SPECC1L: variants seen among roughly 807,000 people sequenced by gnomAD.
SPECC1L encodes sperm antigen with calponin homology and coiled-coil domains 1 like.
In SPECC1L, 40 loss-of-function variants were observed where a neutral mutation model predicts 116.8. The observed-to-expected ratio is 0.34, with a 90% CI of 0.27 to 0.45. The LOEUF (loss-of-function observed/expected upper bound fraction) is 0.45, where lower values mean the gene tolerates loss of function less well. Among genes scored for constraint, SPECC1L ranks in the 20% least tolerant of loss-of-function variants. The pLI is 1.00. For missense variants in SPECC1L, 1,110 were observed against 1,373.6 expected, an observed-to-expected ratio of 0.81 and a Z score of 3.03; for synonymous variants, 504 against 500.6, an observed-to-expected ratio of 1.01 and a Z score of -0.09.
At chr22:24,309,635 G>A (rs1281013824) in intron 3 of SPECC1L, among the ~76,000 whole-genome samples, 4 of 152,038 alleles carry the variant, frequency 2.6e-5, no homozygotes, top group Non-Finnish European at 4.4e-5. Context: ...TCCTGACCTC[G>A]TGATCTACCC....
intron 6 of SPECC1L, among the ~76,000 whole-genome samples, chr22:24,328,293 G>A (rs1350896191): frequency 1.3e-5 from 2 of 151,972 alleles, no homozygotes; most frequent in African/African-American, 4.8e-5. Context: ...CACATTATCG[G>A]ATAAATAATT....
chr22:24,280,552 ATGAATGTGACTATGTTTCAATAACAT>A (rs1192339186), intron 2 of SPECC1L, among the ~76,000 whole-genome samples: 6 of 151,460 alleles, frequency 4.0e-5, no homozygotes, highest in Non-Finnish European at 7.4e-5. Context: ...ACAGATGTGA[ATGAATGTGACTATGTTTCAATAACAT>A]TTTTTTTTTT....
chr22:24,287,336 G>C (rs1031466377), intron 2 of SPECC1L, among the ~76,000 whole-genome samples: 3 of 152,152 alleles, frequency 2.0e-5, no homozygotes, highest in Non-Finnish European at 4.4e-5. Flanking sequence ...CAGGAGAGTG[G>C]CCTGGTGGGA....
intron 4 of SPECC1L, among the ~76,000 whole-genome samples, chr22:24,318,240 T>C (rs527248386): frequency 6.6e-6 from 1 of 152,102 alleles, no homozygotes; most frequent in African/African-American, 2.4e-5. Flanking sequence ...CATTGAGCAA[T>C]GAGTGAAGGA....
intron 1 of SPECC1L, among the ~76,000 whole-genome samples, chr22:24,275,028 T>A (rs1476510055): frequency 1.3e-5 from 2 of 152,246 alleles, no homozygotes; most frequent in Non-Finnish European, 2.9e-5. Context: ...TTCCTCCGAT[T>A]AAATTAATGT....
intron 2 of SPECC1L, among the ~76,000 whole-genome samples, chr22:24,278,076 TGGGCACAG>T (rs1237105110): frequency 2.0e-5 from 3 of 152,166 alleles, no homozygotes; most frequent in Non-Finnish European, 4.4e-5. Flanking sequence ...GGGATTAGGC[TGGGCACAG>T]TGGCTCACAC....
At position 24,414,553 on chromosome 22, in the gene SPECC1L, G is replaced by A. The variant is rs754995794; in HGVS notation, c.3284G>A (p.Arg1095Gln). The stretch of plus-strand genomic sequence containing the variant: ...TGTCAGGACATTAATGAAATGGTAC[G>A]GACTGAACGACCCGACTGGCAGAAC... ...KSTLDINEMV[R>Q]TERPDWQNVM... is the part of the protein sequence containing the mutation. The change falls in exon 17 of 17, where the codon CGG becomes CAG. Residue 1095 changes from arginine (R) to glutamine (Q), a missense_variant. Physicochemically the swap from Arg to Gln is conservative, Grantham distance 43. Transcript: ENST00000314328. The A allele has an allele frequency of 6.2e-6, 10 of 1,613,792 alleles. No individual in the cohort carries two copies. The highest frequency in any genetic ancestry group is 1.7e-5 in the Admixed American group (1 of 59,990).
intron 10 of SPECC1L, 109 bp from the exon 11 acceptor site, chr22:24,346,977 T>C (rs952900612): frequency 4.7e-5 from 41 of 864,852 alleles, no homozygotes; most frequent in South Asian, 4.0e-4. Context: ...TATAGCAGTA[T>C]GGAAAGAATT....
At chr22:24,356,729 T>G (rs118005285) in intron 11 of SPECC1L, among the ~76,000 whole-genome samples, 87 of 152,296 alleles carry the variant, frequency 5.7e-4, no homozygotes, top group African/African-American at 1.9e-3. Flanking sequence ...CTATTCTGCT[T>G]CTTTTTCCTT....
At chr22:24,378,603 T>G (rs2042011357) in intron 14 of SPECC1L, among the ~76,000 whole-genome samples, 1 of 152,218 alleles carries the variant, frequency 6.6e-6, no homozygotes, top group Non-Finnish European at 1.5e-5. Context: ...TCCTTTTACT[T>G]GAACACTTAG....
intron 14 of SPECC1L, among the ~76,000 whole-genome samples, chr22:24,385,469 T>C (rs1359298348): frequency 1.3e-5 from 2 of 152,164 alleles, no homozygotes; most frequent in African/African-American, 2.4e-5. Flanking sequence ...AGAGACCCAC[T>C]TTAAATGGAA....
chr22:24,346,271 G>A (rs1299181930), intron 10 of SPECC1L, among the ~76,000 whole-genome samples: 1 of 152,182 alleles, frequency 6.6e-6, no homozygotes, highest in African/African-American at 2.4e-5. Flanking sequence ...CTCCCGAAGT[G>A]CTGGGATTAA....
intron 15 of SPECC1L, chr22:24,412,414 G>T: frequency 1.6e-6 from 1 of 609,732 alleles, no homozygotes; most frequent in East Asian, 2.8e-5. Context: ...CAGGAGTGAG[G>T]AAAGAACGGG....
intron 2 of SPECC1L, among the ~76,000 whole-genome samples, chr22:24,299,263 T>G (rs978472281): frequency 2.0e-5 from 3 of 152,212 alleles, no homozygotes; most frequent in Admixed American, 2.0e-4. Context: ...AGTAAAGGTA[T>G]ATTTTCAATA....
chr22:24,296,567 T>C (rs914992100), intron 2 of SPECC1L, among the ~76,000 whole-genome samples: 3 of 152,192 alleles, frequency 2.0e-5, no homozygotes, highest in South Asian at 2.1e-4. Context: ...TTGAGCAAAG[T>C]TGGAGAAGAG....
intron 14 of SPECC1L, among the ~76,000 whole-genome samples, chr22:24,378,532 C>T (rs985973438): frequency 8.5e-5 from 13 of 152,220 alleles, no homozygotes; most frequent in Non-Finnish European, 1.6e-4. Flanking sequence ...TTTTGCCGTG[C>T]TTTTCTCAAT....
chr22:24,337,232 A>G (rs1208116470), intron 9 of SPECC1L, among the ~76,000 whole-genome samples: 1 of 152,230 alleles, frequency 6.6e-6, no homozygotes, highest in Non-Finnish European at 1.5e-5. Flanking sequence ...GTATATTCAT[A>G]CAATGGAATA....
At position 24,324,442 on chromosome 22, in the gene SPECC1L, CTTTTCATTCT is replaced by C. The variant is rs1569421587; in HGVS notation, c.2146+20_2146+29del. On this transcript the variant is annotated intron_variant, in intron 6 of 16. Coordinates refer to ENST00000314328, the MANE Select transcript of SPECC1L (RefSeq NM_015330.6). ...TGATCTAGAGAGTAAGTGATAAGAA[CTTTTCATTCT>C]TTTTTGTCCTACTCTTTTAAACATG... 1 of 1,600,564 alleles carries C rather than the reference CTTTTCATTCT, an allele frequency of 6.2e-7. No homozygotes were observed. Among genetic ancestry groups the C allele is most frequent in the Non-Finnish European group, 8.6e-7 (1 of 1,168,104 alleles).
At chr22:24,278,840 A>G (rs1362053589) in intron 2 of SPECC1L, among the ~76,000 whole-genome samples, 1 of 152,232 alleles carries the variant, frequency 6.6e-6, no homozygotes, top group East Asian at 1.9e-4. Context: ...CCATCGTAAA[A>G]TGTAAAATAG....
Sources: allele counts gnomAD v4.1 joint callset (sites outside exome capture counted in the v4.1 genomes callset), GRCh38; gene constraint gnomAD v4.1.1; transcripts MANE v1.5; gene names NCBI Gene and HGNC (gene_info 2026-07-23, HGNC 2026-07-21).